CTNNA3: variants seen among roughly 807,000 people sequenced by gnomAD.
CTNNA3 encodes the protein catenin alpha-3.
Under a neutral mutation model 95.7 loss-of-function variants are expected in CTNNA3, and 76 were observed. The ratio of observed to expected loss-of-function variants is 0.79; its 90% CI spans 0.66 to 0.96. CTNNA3 has a LOEUF of 0.96. CTNNA3 is among the 40% of genes least tolerant of loss of function. CTNNA3 has a pLI of 0.00. For missense variants in CTNNA3, 1,191 were observed against 1,089.8 expected (o/e 1.09, Z -1.31); for synonymous variants, 431 against 374.4 (o/e 1.15, Z -1.74).
intron 11 of CTNNA3, among the ~76,000 whole-genome samples, chr10:66,492,818 T>C (rs1220919333): frequency 6.6e-6 from 1 of 152,144 alleles, no homozygotes; most frequent in Admixed American, 6.5e-5. Flanking sequence ...CCCTTAAGCA[T>C]AGTTATTATA....
intron 7 of CTNNA3, among the ~76,000 whole-genome samples, chr10:67,092,526 T>G (rs1007125190): frequency 2.0e-5 from 3 of 152,092 alleles, no homozygotes. Context: ...GAAATTCATA[T>G]GAATGTTCAT....
At chr10:67,757,468 A>G (rs1407430666) in intron 1 of CTNNA3, among the ~76,000 whole-genome samples, 1 of 152,160 alleles carries the variant, frequency 6.6e-6, no homozygotes, top group Non-Finnish European at 1.5e-5. Flanking sequence ...AGAGAGGCAG[A>G]CCCACCCTCA....
intron 10 of CTNNA3, among the ~76,000 whole-genome samples, chr10:66,611,943 T>C (rs770412064): frequency 5.3e-5 from 8 of 152,154 alleles, no homozygotes; most frequent in Non-Finnish European, 1.0e-4. Flanking sequence ...CATAATCTAG[T>C]GGTGACATCT....
At chr10:67,671,293 T>G (rs1840426974) in intron 1 of CTNNA3, among the ~76,000 whole-genome samples, 1 of 152,140 alleles carries the variant, frequency 6.6e-6, no homozygotes, top group African/African-American at 2.4e-5. Flanking sequence ...AGAGGAAGGA[T>G]GACAGAGCAG....
At chr10:67,714,053 C>A (rs1468880152) in intron 1 of CTNNA3, among the ~76,000 whole-genome samples, 1 of 152,144 alleles carries the variant, frequency 6.6e-6, no homozygotes, top group East Asian at 1.9e-4. Flanking sequence ...GCTGCAGGGG[C>A]AGGGCTCTCA....
chr10:66,257,598 G>C (rs539081185), intron 13 of CTNNA3, among the ~76,000 whole-genome samples: 66 of 152,298 alleles, frequency 4.3e-4, no homozygotes, highest in Non-Finnish European at 8.7e-4. Flanking sequence ...TTCTCTTCCT[G>C]GTCAATCAAT....
intron 5 of CTNNA3, among the ~76,000 whole-genome samples, chr10:67,397,399 TGGCAGCA>T (rs1265643333): frequency 6.6e-6 from 1 of 152,192 alleles, no homozygotes; most frequent in African/African-American, 2.4e-5. Flanking sequence ...ACAAAGAAAC[TGGCAGCA>T]TTTTGCCCCT....
At chr10:66,594,548 C>A (rs1589466221) in intron 10 of CTNNA3, among the ~76,000 whole-genome samples, 1 of 152,162 alleles carries the variant, frequency 6.6e-6, no homozygotes, top group Non-Finnish European at 1.5e-5. Context: ...TTGCAGTCAT[C>A]CCATCTGGAT....
chr10:66,506,670 T>C (rs1001130987), intron 11 of CTNNA3, among the ~76,000 whole-genome samples: 3 of 152,210 alleles, frequency 2.0e-5, no homozygotes, highest in African/African-American at 7.2e-5. Context: ...TTCTTCATTG[T>C]ATTTTCTTTC....
rs1564557983 is a variant in CTNNA3 at position 66,597,539 on chromosome 10, TATATATATATATA to T, written c.1374+24140_1374+24152del. ...ATATATATATATATATATATATATA[TATATATATATATA>T]TATTTATTAAAAATTTTAAAAATAA... On this transcript the variant is annotated intron_variant, in intron 10 of 17. Coordinates refer to ENST00000433211, the MANE Select transcript of CTNNA3 (RefSeq NM_013266.4). Among the ~76,000 whole-genome samples the T allele has an allele frequency of 3.4e-3, 469 of 137,324 alleles. 3 individuals are homozygous for T. The highest frequency in any genetic ancestry group is 0.012 in the African/African-American group (441 of 38,054). The allele number at this position is 137,324 out of a possible 152,430, so 90.1% of individuals were successfully genotyped here.
At chr10:67,405,982 C>A (rs574607333) in intron 5 of CTNNA3, among the ~76,000 whole-genome samples, 1 of 152,266 alleles carries the variant, frequency 6.6e-6, no homozygotes, top group South Asian at 2.1e-4. Context: ...CTCCACCTCT[C>A]ATGGGAGGAA....
intron 10 of CTNNA3, among the ~76,000 whole-genome samples, chr10:66,616,071 A>T (rs1287527202): frequency 6.6e-6 from 1 of 152,028 alleles, no homozygotes; most frequent in East Asian, 1.9e-4. Context: ...GTTGAGTATA[A>T]CTGTTCACAC....
chr10:66,119,215 C>T (rs2082466757), intron 13 of CTNNA3, among the ~76,000 whole-genome samples: 1 of 152,024 alleles, frequency 6.6e-6, no homozygotes, highest in African/African-American at 2.4e-5. Context: ...ATGAGGATAC[C>T]ACCATTATGA....
Position 67,691,649 on chromosome 10 carries a change from C to T in CTNNA3, c.-6+4351G>A, listed in dbSNP as rs1363937967. Among the ~76,000 whole-genome samples, 14 of 151,250 alleles carry T rather than the reference C, an allele frequency of 9.3e-5. 1 individual carries two copies. In the South Asian group the frequency reaches 1.9e-3, roughly 20 times the overall value. On this transcript the variant is annotated intron_variant, in intron 1 of 17. Coordinates refer to ENST00000433211, the MANE Select transcript of CTNNA3 (RefSeq NM_013266.4). Reference sequence around the variant, plus strand: ...CCGTCTGAGAAGTGAGGAGCCCCTCCGCCCGGCAGCCGCCCCATCTGAGAA... The same window carrying T: ...CCGTCTGAGAAGTGAGGAGCCCCTCTGCCCGGCAGCCGCCCCATCTGAGAA...
intron 7 of CTNNA3, among the ~76,000 whole-genome samples, chr10:67,134,458 T>C (rs958488041): frequency 6.6e-6 from 1 of 152,088 alleles, no homozygotes; most frequent in Non-Finnish European, 1.5e-5. Flanking sequence ...AATAAAATAA[T>C]ACGATGGATG....
intron 9 of CTNNA3, among the ~76,000 whole-genome samples, chr10:66,691,137 G>A (rs1466516834): frequency 2.0e-5 from 3 of 152,188 alleles, no homozygotes; most frequent in South Asian, 4.1e-4. Context: ...CACCGTGCAT[G>A]AGCTGAAGCA....
intron 15 of CTNNA3, among the ~76,000 whole-genome samples, chr10:66,039,462 C>G (rs1467068931): frequency 6.6e-6 from 1 of 152,124 alleles, no homozygotes; most frequent in Admixed American, 6.5e-5. Flanking sequence ...GCATAGACTA[C>G]CCAACTTCAA....
intron 4 of CTNNA3, among the ~76,000 whole-genome samples, chr10:67,528,585 A>G (rs1840220021): frequency 1.3e-5 from 2 of 152,148 alleles, no homozygotes; most frequent in Admixed American, 1.3e-4. Flanking sequence ...GCCACACAGT[A>G]TTCATTTAAC....
intron 7 of CTNNA3, among the ~76,000 whole-genome samples, chr10:66,991,182 C>T (rs1412456609): frequency 6.6e-6 from 1 of 152,058 alleles, no homozygotes; most frequent in Non-Finnish European, 1.5e-5. Flanking sequence ...TTCAAACATT[C>T]AGGGAAGTAA....
Sources: allele counts gnomAD v4.1 joint callset (sites outside exome capture counted in the v4.1 genomes callset), GRCh38; gene constraint gnomAD v4.1.1; transcripts MANE v1.5; gene names NCBI Gene and HGNC (gene_info 2026-07-23, HGNC 2026-07-21).